The following MGAT5B variants were observed in gnomAD, a reference collection of about 807,000 sequenced individuals.
MGAT5B encodes the protein N-acetylglucosaminyl-transferase Vb.
Under a neutral mutation model 95.1 loss-of-function variants are expected in MGAT5B, and 54 were observed. The observed-to-expected ratio is 0.57, with a 90% CI of 0.46 to 0.71. The LOEUF is 0.71. MGAT5B is among the 30% of genes least tolerant of loss of function. The pLI, the probability that MGAT5B is intolerant of heterozygous loss-of-function variation, is 0.00. For missense variants in MGAT5B, 935 were observed against 1,088.6 expected (o/e 0.86, Z 1.99); for synonymous variants, 464 against 451.0 (o/e 1.03, Z -0.36).
intron 12 of MGAT5B, among the ~76,000 whole-genome samples, chr17:76,935,605 C>CTTTTT (rs61424892): frequency 8.8e-6 from 1 of 113,378 alleles, no homozygotes; most frequent in Non-Finnish European, 1.8e-5. Flanking sequence ...TTCCATATAT[C>CTTTTT]TTTTTTTTTT....
chr17:76,926,534 A>G, intron 9 of MGAT5B, 63 bp from the exon 10 acceptor site: 7 of 1,526,010 alleles, frequency 4.6e-6, no homozygotes, highest in Admixed American at 1.9e-5. Flanking sequence ...GGCTGGGGCA[A>G]CTTCAGCCCA....
At chr17:76,878,840 G>A (rs1967297717) in intron 2 of MGAT5B, among the ~76,000 whole-genome samples, 1 of 152,130 alleles carries the variant, frequency 6.6e-6, no homozygotes, top group African/African-American at 2.4e-5. Context: ...AGGCAATTAG[G>A]GGAAGACACA....
intron 8 of MGAT5B, among the ~76,000 whole-genome samples, chr17:76,923,212 A>G (rs1437822825): frequency 6.6e-6 from 1 of 152,188 alleles, no homozygotes; most frequent in Non-Finnish European, 1.5e-5. Flanking sequence ...CCTGGCCTGA[A>G]TGGTTTCAAG....
chr17:76,907,416 T>C (rs1968572272), intron 8 of MGAT5B, among the ~76,000 whole-genome samples: 1 of 152,238 alleles, frequency 6.6e-6, no homozygotes, highest in African/African-American at 2.4e-5. Flanking sequence ...TATGGTTTGC[T>C]TTTGTTTTGT....
chr17:76,879,068 G>A (rs562965765), intron 2 of MGAT5B, among the ~76,000 whole-genome samples: 2 of 152,324 alleles, frequency 1.3e-5, no homozygotes, highest in African/African-American at 4.8e-5. Flanking sequence ...ACTTTCAGGG[G>A]CCTCTGCAGC....
At chr17:76,910,391 A>G (rs190698374) in intron 8 of MGAT5B, among the ~76,000 whole-genome samples, 88 of 152,360 alleles carry the variant, frequency 5.8e-4, no homozygotes, top group Non-Finnish European at 1.1e-3. Context: ...AGAGGTGTAT[A>G]CACTCATGCA....
intron 1 of MGAT5B, among the ~76,000 whole-genome samples, chr17:76,871,823 T>C (rs1967022273): frequency 6.6e-6 from 1 of 152,210 alleles, no homozygotes; most frequent in Non-Finnish European, 1.5e-5. Context: ...CATCAAGTCC[T>C]CTGATAGGTT....
intron 3 of MGAT5B, among the ~76,000 whole-genome samples, chr17:76,888,444 A>G (rs889734351): frequency 6.6e-6 from 1 of 152,098 alleles, no homozygotes; most frequent in African/African-American, 2.4e-5. Context: ...GTCTGTAGGC[A>G]CCTGTGTACG....
chr17:76,939,104 T>C (rs1257151789), intron 13 of MGAT5B, among the ~76,000 whole-genome samples: 2 of 149,916 alleles, frequency 1.3e-5, no homozygotes, highest in African/African-American at 2.5e-5. Context: ...TTGCATGCAG[T>C]GAATAACCTG....
In MGAT5B at chr17:76,918,696, T is replaced by C. The variant is rs1969027308; in HGVS notation, c.1026-6270T>C. 6.6e-6 allele frequency among the ~76,000 whole-genome samples: 1 copy of C among 152,130 alleles called. No individual in the cohort carries two copies. The highest frequency in any genetic ancestry group is 1.5e-5 in the Non-Finnish European group (1 of 68,008). Reference sequence around the variant, plus strand: ...AGGGTTGGGGGCTGCCCATGATACTTGGGAAACGGGCACTGGTCAGGTTTG... The same window carrying C: ...AGGGTTGGGGGCTGCCCATGATACTCGGGAAACGGGCACTGGTCAGGTTTG... On this transcript the variant is annotated intron_variant, in intron 8 of 17. Coordinates refer to ENST00000569840, the MANE Select transcript of MGAT5B (RefSeq NM_001199172.2). The surrounding 1 kb of genome is among the most constrained non-coding windows in gnomAD (Gnocchi z 5.1).
chr17:76,943,989 GTC>G (rs1294102982), intron 15 of MGAT5B: 1 of 152,236 alleles, frequency 6.6e-6, no homozygotes, highest in Non-Finnish European at 1.5e-5. Context: ...CCCCTTCTGT[GTC>G]TCTGCACCTC....
At chr17:76,897,660 A>ACTTTCTTTCCTTCTTTCTTT (rs1968113918) in intron 3 of MGAT5B, among the ~76,000 whole-genome samples, 2 of 69,386 alleles carry the variant, frequency 2.9e-5, no homozygotes, top group Admixed American at 3.1e-4. Context: ...AAGTAAGGCC[A>ACTTTCTTTCCTTCTTTCTTT]CTTTCTTTCT....
chr17:76,897,483 G>A (rs1316887245), intron 3 of MGAT5B, among the ~76,000 whole-genome samples: 1 of 151,972 alleles, frequency 6.6e-6, no homozygotes, highest in Non-Finnish European at 1.5e-5. Flanking sequence ...GGCCTTCTTC[G>A]TCCCACAGAT....
intron 8 of MGAT5B, among the ~76,000 whole-genome samples, chr17:76,921,601 C>A (rs1969126166): frequency 6.6e-6 from 1 of 152,092 alleles, no homozygotes; most frequent in Non-Finnish European, 1.5e-5. Context: ...CCATGCACAC[C>A]CAGTGGGCCT....
At position 76,950,340 on chromosome 17, in the gene MGAT5B, T is replaced by G. The variant is rs1970167798; in HGVS notation, c.*1502T>G. The G allele has an allele frequency of 6.6e-6, 1 of 152,646 alleles. No individual in the cohort carries two copies. The highest frequency in any genetic ancestry group is 2.1e-4 in the South Asian group (1 of 4,834). The allele number at this position is 152,646 out of a possible 1,614,324, so 9.5% of individuals were successfully genotyped here. A position where few individuals can be genotyped will look rare whatever the true frequency, so the allele number is the denominator to read the frequency against. On this transcript the variant is annotated 3_prime_UTR_variant, in exon 18 of 18. Coordinates refer to ENST00000569840, the MANE Select transcript of MGAT5B (RefSeq NM_001199172.2). ...TCTTTTTCTCTCTTTTTTTTAAAGA[T>G]TTATTTCTTGAAATAATAAATATTT... is the stretch of plus-strand genomic sequence containing the variant.
chr17:76,883,430 A>G (rs766883856), intron 3 of MGAT5B, among the ~76,000 whole-genome samples: 5 of 152,224 alleles, frequency 3.3e-5, no homozygotes, highest in Non-Finnish European at 7.3e-5. Context: ...TGCTTCGGCC[A>G]GGATGTCTGA....
chr17:76,891,694 C>T (rs6501927), intron 3 of MGAT5B, among the ~76,000 whole-genome samples: 49,880 of 152,082 alleles, frequency 0.33, 10,210 homozygotes, highest in African/African-American at 0.54. Context: ...GGGTTAGGAT[C>T]GCAATATACA....
At chr17:76,946,557 T>A (rs1003844822) in intron 16 of MGAT5B, 107 bp downstream of exon 16, 9 of 896,024 alleles carry the variant, frequency 1.0e-5, no homozygotes, top group Non-Finnish European at 1.4e-5. Flanking sequence ...ACCATCCAAC[T>A]CCCTGCTCCC....
Position 76,870,039 on chromosome 17 carries a change from C to T in MGAT5B, c.68+942C>T, listed in dbSNP as rs1210328643. On this transcript the variant is annotated intron_variant, in intron 1 of 17. Transcript: ENST00000569840. The surrounding 1 kb of genome is among the most constrained non-coding windows in gnomAD (Gnocchi z 5.0). ...GAGGAAGCTGGGGGAGTGACCGCCC[C>T]GGCGCGGGGGCCGGACTCGGGACGT... is the stretch of plus-strand genomic sequence containing the variant. Among the ~76,000 whole-genome samples the T allele has an allele frequency of 1.3e-5, 2 of 152,178 alleles. No individual in the cohort carries two copies. The highest frequency in any genetic ancestry group is 4.8e-5 in the African/African-American group (2 of 41,450).
Sources: allele counts gnomAD v4.1 joint callset (sites outside exome capture counted in the v4.1 genomes callset), GRCh38; gene constraint gnomAD v4.1.1; non-coding constraint Gnocchi (gnomAD v3.1); transcripts MANE v1.5; gene names NCBI Gene and HGNC (gene_info 2026-07-23, HGNC 2026-07-21).